Variants in MTUS1 observed in about 807,000 individuals in gnomAD.
The protein encoded by MTUS1 is microtubule-associated tumor suppressor 1.
Under a neutral mutation model 120.8 loss-of-function variants are expected in MTUS1, and 109 were observed. That is an observed-to-expected ratio of 0.90 (90% CI 0.77 to 1.06). The LOEUF (loss-of-function observed/expected upper bound fraction) is 1.06. MTUS1 is among the 50% of genes least tolerant of loss of function. MTUS1 has a pLI of 0.00. For missense variants in MTUS1, 2,210 were observed against 1,486.3 expected (o/e 1.49, Z -8.01); for synonymous variants, 737 against 550.5 (o/e 1.34, Z -4.74).
chr8:17,786,727 GA>G (rs1210863034), intron 1 of MTUS1, among the ~76,000 whole-genome samples: 1 of 152,152 alleles, frequency 6.6e-6, no homozygotes, highest in African/African-American at 2.4e-5. Flanking sequence ...GCTGGGGCTG[GA>G]AGAAATGGAT....
chr8:17,688,619 C>A (rs570643749), intron 6 of MTUS1, among the ~76,000 whole-genome samples: 17 of 152,354 alleles, frequency 1.1e-4, no homozygotes, highest in African/African-American at 3.1e-4. Context: ...CACAGGGACA[C>A]TGACACAGAA....
Position 17,673,007 on chromosome 8 carries a change from G to C in MTUS1, c.2905+2179C>G, listed in dbSNP as rs566205609. ...TTCTCATTGCTGCCTTGTCTTCGGA[G>C]AGAGGCTGAAATGTGAACCTCTAGG... On this transcript the variant is annotated intron_variant, in intron 8 of 14. Coordinates refer to ENST00000693296, the MANE Select transcript of MTUS1 (RefSeq NM_001363059.2). Among the ~76,000 whole-genome samples the C allele has an allele frequency of 1.3e-3, 196 of 152,318 alleles. 3 individuals carry two copies. Among genetic ancestry groups the C allele is most frequent in the Middle Eastern group, 3.4e-3 (1 of 294 alleles).
At chr8:17,727,383 G>A (rs1413226353) in intron 3 of MTUS1, among the ~76,000 whole-genome samples, 1 of 152,156 alleles carries the variant, frequency 6.6e-6, no homozygotes, top group African/African-American at 2.4e-5. Context: ...CCTCGGCCAT[G>A]CCACAGAATA....
intron 8 of MTUS1, among the ~76,000 whole-genome samples, chr8:17,666,090 C>CTTTTT (rs57062684): frequency 3.6e-5 from 4 of 111,102 alleles, no homozygotes; most frequent in African/African-American, 1.0e-4. Context: ...AGAACAGATG[C>CTTTTT]TTTTTTTTTT....
At chr8:17,782,589 A>C (rs1336960896) in intron 1 of MTUS1, among the ~76,000 whole-genome samples, 3 of 152,224 alleles carry the variant, frequency 2.0e-5, no homozygotes. Flanking sequence ...TACATCCAAA[A>C]ATACAGAGAA....
At chr8:17,722,205 G>A (rs1236425229) in intron 4 of MTUS1, 1 of 1,027,292 alleles carries the variant, frequency 9.7e-7, no homozygotes, top group Non-Finnish European at 1.2e-6. Context: ...CTCCTTAGGA[G>A]CATCAGACAC....
chr8:17,728,441 T>G (rs1448573056), intron 3 of MTUS1, among the ~76,000 whole-genome samples: 1 of 152,208 alleles, frequency 6.6e-6, no homozygotes, highest in Non-Finnish European at 1.5e-5. Context: ...GGACAATAGA[T>G]TCACATGAAG....
chr8:17,651,397 T>C (rs1451228457), intron 12 of MTUS1, among the ~76,000 whole-genome samples: 2 of 152,088 alleles, frequency 1.3e-5, no homozygotes, highest in Non-Finnish European at 2.9e-5. Flanking sequence ...ATACCCTAAA[T>C]ACCCTGACTT....
intron 7 of MTUS1, among the ~76,000 whole-genome samples, chr8:17,684,060 C>T (rs927194615): frequency 5.2e-4 from 79 of 152,090 alleles, no homozygotes; most frequent in African/African-American, 1.8e-3. Flanking sequence ...AGGCATACAC[C>T]GGCGTAAGAG....
chr8:17,657,058 CAAAAAAAAAA>C (rs1219286349), intron 8 of MTUS1, among the ~76,000 whole-genome samples: 1 of 56,714 alleles, frequency 1.8e-5, no homozygotes, highest in African/African-American at 5.8e-5. Context: ...GATTCTGTCT[CAAAAAAAAAA>C]AAAAAAAAAA....
At chr8:17,723,073 C>T (rs767484030) in intron 4 of MTUS1, among the ~76,000 whole-genome samples, 1 of 151,908 alleles carries the variant, frequency 6.6e-6, no homozygotes, top group Non-Finnish European at 1.5e-5. Flanking sequence ...AGCGGGCACT[C>T]CAAGATGGTT....
At chr8:17,662,845 A>G (rs1309407235) in intron 8 of MTUS1, among the ~76,000 whole-genome samples, 7 of 9,190 alleles carry the variant, frequency 7.6e-4, no homozygotes, top group Non-Finnish European at 1.9e-3. Flanking sequence ...GGAAAAAGAG[A>G]AAAAAAAAAA....
intron 2 of MTUS1, among the ~76,000 whole-genome samples, chr8:17,746,140 G>T (rs1052412022): frequency 6.6e-6 from 1 of 152,122 alleles, no homozygotes; most frequent in East Asian, 1.9e-4. Flanking sequence ...TGTGAGAACA[G>T]ACTGATACAG....
intron 6 of MTUS1, among the ~76,000 whole-genome samples, chr8:17,696,391 T>C (rs1279133556): frequency 6.6e-6 from 1 of 152,088 alleles, no homozygotes; most frequent in Non-Finnish European, 1.5e-5. Context: ...AGGGGTCACG[T>C]GCACATGAAG....
chr8:17,783,292 T>C (rs750198562), intron 1 of MTUS1, among the ~76,000 whole-genome samples: 5 of 152,154 alleles, frequency 3.3e-5, no homozygotes, highest in Non-Finnish European at 5.9e-5. Context: ...ATTCCATCCA[T>C]TCTGGAGTTG....
chr8:17,679,238 T>C (rs10112413), intron 7 of MTUS1, among the ~76,000 whole-genome samples: 86,355 of 151,514 alleles, frequency 0.57, 25,461 homozygotes, highest in Middle Eastern at 0.7. Flanking sequence ...TATACATATA[T>C]AAAAATACAT....
intron 3 of MTUS1, among the ~76,000 whole-genome samples, chr8:17,735,127 T>C (rs2046839790): frequency 6.6e-6 from 1 of 152,124 alleles, no homozygotes; most frequent in African/African-American, 2.4e-5. Flanking sequence ...TTCCTTAGTC[T>C]CTACATATTT....
intron 1 of MTUS1, among the ~76,000 whole-genome samples, chr8:17,765,804 C>G (rs1320458693): frequency 6.6e-6 from 1 of 151,686 alleles, no homozygotes; most frequent in Non-Finnish European, 1.5e-5. Flanking sequence ...AGTATACTCT[C>G]AATTTTCTCG....
At chr8:17,738,637 T>C (rs1211351183) in intron 3 of MTUS1, among the ~76,000 whole-genome samples, 3 of 152,182 alleles carry the variant, frequency 2.0e-5, no homozygotes, top group Non-Finnish European at 4.4e-5. Flanking sequence ...ACATGGGCCA[T>C]GGTGGTTGAC....
Sources: gnomAD v4.1 joint callset for allele counts (sites outside exome capture counted in the v4.1 genomes callset) on GRCh38, gnomAD v4.1.1 for gene constraint, MANE v1.5 for transcripts, NCBI Gene and HGNC (gene_info 2026-07-23, HGNC 2026-07-21) for gene names.